SUGCT: variants seen among roughly 807,000 people sequenced by gnomAD.
The protein encoded by SUGCT is succinyl-CoA:glutarate-CoA transferase.
A neutral mutation model predicts 55.0 loss-of-function variants in SUGCT; 41 were observed. That is an observed-to-expected ratio of 0.74 (90% CI 0.58 to 0.97). The LOEUF (loss-of-function observed/expected upper bound fraction) is 0.97, where lower values mean the gene tolerates loss of function less well. Among genes scored for constraint, SUGCT ranks in the 50% least tolerant of loss-of-function variants. SUGCT has a pLI of 0.00. For synonymous variants in SUGCT, 187 were observed against 200.4 expected (o/e 0.93, Z 0.56); for missense variants, 568 against 547.8 (o/e 1.04, Z -0.37).
At chr7:40,624,233 T>C (rs546442198) in intron 12 of SUGCT, among the ~76,000 whole-genome samples, 1 of 152,242 alleles carries the variant, frequency 6.6e-6, no homozygotes, top group East Asian at 1.9e-4. Context: ...TTCCTCTTGC[T>C]CTAGGCTATC....
intron 12 of SUGCT, among the ~76,000 whole-genome samples, chr7:40,558,532 CA>C (rs1795675110): frequency 6.6e-6 from 1 of 152,044 alleles, no homozygotes; most frequent in Non-Finnish European, 1.5e-5. Flanking sequence ...ATTAGGATTC[CA>C]CATACGTGAG....
chr7:40,991,659 C>T, the SUGCT span, among the ~76,000 whole-genome samples: 6 of 152,092 alleles, frequency 3.9e-5, no homozygotes, highest in Non-Finnish European at 8.8e-5. Flanking sequence ...TACTTCCTCC[C>T]GTTTGACCAT....
At chr7:40,842,813 CAT>C (rs1793343256) in intron 13 of SUGCT, among the ~76,000 whole-genome samples, 1 of 152,190 alleles carries the variant, frequency 6.6e-6, no homozygotes, top group African/African-American at 2.4e-5. Flanking sequence ...GGGTAACATA[CAT>C]GCAAGTTGCA....
At chr7:40,796,620 A>G (rs1921747) in intron 13 of SUGCT, among the ~76,000 whole-genome samples, 47,507 of 152,030 alleles carry the variant, frequency 0.31, 7,868 homozygotes, top group South Asian at 0.44. Flanking sequence ...GGCTTAGAGA[A>G]CTAAAGTAAC....
At chr7:40,552,528 C>G (rs1026964510) in intron 12 of SUGCT, among the ~76,000 whole-genome samples, 11 of 152,134 alleles carry the variant, frequency 7.2e-5, no homozygotes, top group African/African-American at 2.7e-4. Context: ...ACTCATCTGT[C>G]ATGATTACCA....
intron 8 of SUGCT, among the ~76,000 whole-genome samples, chr7:40,295,457 T>A (rs1794071013): frequency 6.6e-6 from 1 of 152,150 alleles, no homozygotes; most frequent in Non-Finnish European, 1.5e-5. Flanking sequence ...ACGCCTGTAA[T>A]CCTAGCTACT....
Position 40,598,353 on chromosome 7 carries a change from G to A in SUGCT, c.1089+101967G>A, listed in dbSNP as rs556810065. ...ATTCTAATTATCTTCACTACCAAAA[G>A]GGACGAAATCAACGTCTTGAACCTT... On this transcript the variant is annotated intron_variant, in intron 12 of 13. Coordinates refer to ENST00000335693, the MANE Select transcript of SUGCT (RefSeq NM_001193313.2). Among the ~76,000 whole-genome samples, 9 of 152,236 alleles carry A rather than the reference G, an allele frequency of 5.9e-5. No homozygotes were observed. The East Asian group carries it at 1.7e-3, about 29-fold the overall frequency.
the SUGCT span, among the ~76,000 whole-genome samples, chr7:40,939,402 A>G: frequency 6.6e-6 from 1 of 152,212 alleles, no homozygotes; most frequent in Non-Finnish European, 1.5e-5. Context: ...AAACCATATC[A>G]CATACCTAGT....
intron 11 of SUGCT, among the ~76,000 whole-genome samples, chr7:40,472,703 G>A (rs941681819): frequency 2.0e-5 from 3 of 152,072 alleles, no homozygotes; most frequent in African/African-American, 7.2e-5. Context: ...TAGCTGATGA[G>A]CACTATCAGC....
At chr7:40,847,408 TTTC>T (rs1264770195) in intron 13 of SUGCT, among the ~76,000 whole-genome samples, 139 of 100,158 alleles carry the variant, frequency 1.4e-3, no homozygotes, top group African/African-American at 3.9e-3. Context: ...CTTTTCTTTC[TTTC>T]TTTTTTTTTT....
intron 7 of SUGCT, among the ~76,000 whole-genome samples, chr7:40,261,095 G>A (rs150149300): frequency 5.3e-5 from 8 of 152,258 alleles, no homozygotes; most frequent in Non-Finnish European, 1.0e-4. Flanking sequence ...GGGATATAAA[G>A]TAGACTTTCT....
chr7:40,524,430 T>A (rs1365121441), intron 12 of SUGCT, among the ~76,000 whole-genome samples: 1 of 152,150 alleles, frequency 6.6e-6, no homozygotes, highest in Non-Finnish European at 1.5e-5. Flanking sequence ...ATTAATTGAA[T>A]CTTTATTCTC....
chr7:40,557,785 A>T (rs889631054), intron 12 of SUGCT, among the ~76,000 whole-genome samples: 298 of 151,632 alleles, frequency 2.0e-3, no homozygotes, highest in African/African-American at 6.4e-3. Flanking sequence ...AAAAAAAAAA[A>T]AGAAAAAAGA....
chr7:40,323,760 A>T (rs1191170414), intron 9 of SUGCT, among the ~76,000 whole-genome samples: 1 of 152,170 alleles, frequency 6.6e-6, no homozygotes, highest in African/African-American at 2.4e-5. Flanking sequence ...CAGTGCGGAT[A>T]GACTTAATAG....
chr7:40,717,920 TCTC>T (rs138176733), intron 12 of SUGCT, among the ~76,000 whole-genome samples: 1 of 151,992 alleles, frequency 6.6e-6, no homozygotes, highest in African/African-American at 2.4e-5. Context: ...AGAAGTATAT[TCTC>T]CTCTTCTTCT....
chr7:40,593,482 G>A (rs1797838529), intron 12 of SUGCT, among the ~76,000 whole-genome samples: 1 of 152,148 alleles, frequency 6.6e-6, no homozygotes, highest in South Asian at 2.1e-4. Flanking sequence ...TCATGAATAA[G>A]AAAGTTTGAG....
At chr7:40,660,596 A>G (rs1292796770) in intron 12 of SUGCT, among the ~76,000 whole-genome samples, 3 of 152,044 alleles carry the variant, frequency 2.0e-5, no homozygotes, top group Non-Finnish European at 4.4e-5. Flanking sequence ...ACTTGCACTC[A>G]TCAGTTCTCA....
chr7:40,624,801 ACACAC>A (rs762547481), intron 12 of SUGCT, among the ~76,000 whole-genome samples: 2 of 147,254 alleles, frequency 1.4e-5, no homozygotes, highest in Non-Finnish European at 3.0e-5. Flanking sequence ...ACACACACAC[ACACAC>A]ACACACGCAC....
intron 13 of SUGCT, among the ~76,000 whole-genome samples, chr7:40,843,039 GTCCCTCATTCAC>G (rs879904939): frequency 2.0e-5 from 3 of 152,186 alleles, no homozygotes; most frequent in Non-Finnish European, 2.9e-5. Flanking sequence ...AACTCAATCA[GTCCCTCATTCAC>G]TCCCTCTTGA....
Sources: allele counts gnomAD v4.1 joint callset (sites outside exome capture counted in the v4.1 genomes callset), GRCh38; gene constraint gnomAD v4.1.1; transcripts MANE v1.5; gene names NCBI Gene and HGNC (gene_info 2026-07-23, HGNC 2026-07-21).